The following C8orf74 variants were observed in gnomAD, a reference collection of about 807,000 sequenced individuals.
C8orf74 encodes chromosome 8 open reading frame 74, also known as uncharacterized protein C8orf74.
A neutral mutation model predicts 22.2 loss-of-function variants in C8orf74; 29 were observed. The ratio of observed to expected loss-of-function variants is 1.31; its 90% CI spans 0.97 to 1.78. C8orf74 has a LOEUF of 1.78. Among genes scored for constraint, C8orf74 ranks in the 40% most tolerant of loss-of-function variants. C8orf74 has a pLI of 0.00. For missense variants in C8orf74, 515 were observed against 369.9 expected (o/e 1.39, Z -3.22); for synonymous variants, 255 against 163.1 (o/e 1.56, Z -4.30).
intron 2 of C8orf74, among the ~76,000 whole-genome samples, chr8:10,678,082 A>T (rs778860181): frequency 4.6e-5 from 7 of 152,176 alleles, no homozygotes; most frequent in Non-Finnish European, 1.0e-4. Context: ...TAATACAAAC[A>T]TGGACTCGAA....
chr8:10,676,712 C>A (rs1799040006), intron 2 of C8orf74, among the ~76,000 whole-genome samples: 2 of 152,162 alleles, frequency 1.3e-5, no homozygotes, highest in Admixed American at 6.5e-5. Flanking sequence ...TCATCCCCCT[C>A]CTGCCATCCC....
chr8:10,681,457 G>A (rs1246081199), intron 2 of C8orf74, among the ~76,000 whole-genome samples: 1 of 152,174 alleles, frequency 6.6e-6, no homozygotes, highest in Non-Finnish European at 1.5e-5. Context: ...TCTAATCCTG[G>A]GGAGGCTCAG....
chr8:10,674,669 G>A lies in C8orf74; in HGVS notation c.72G>A (p.Leu24=), dbSNP rs561041578. Residue 24 remains leucine (L), a synonymous_variant, in exon 2 of 4, where the codon CTG becomes CTA. Coordinates refer to ENST00000304519, the MANE Select transcript of C8orf74 (RefSeq NM_001040032.2). ...AGAGACCACAAGGTCGGGAGCGCCT[G>A]CGGAGGCTTCTGAACTGGGAGGAGT... ...QLQRPQGRER[L]RRLLNWEEFD... The A allele has an allele frequency of 3.7e-6, 6 of 1,609,868 alleles. No homozygotes were observed. In the Middle Eastern group the frequency reaches 6.6e-4, roughly 177 times the overall value.
At chr8:10,682,832 C>T (rs181599279) in intron 2 of C8orf74, among the ~76,000 whole-genome samples, 23 of 152,342 alleles carry the variant, frequency 1.5e-4, no homozygotes, top group African/African-American at 4.6e-4. Flanking sequence ...AGAGACTATC[C>T]GTCCCACAGA....
chr8:10,673,154 C>G (rs73200713), intron 1 of C8orf74, among the ~76,000 whole-genome samples: 3,310 of 152,210 alleles, frequency 0.022, 60 homozygotes, highest in Middle Eastern at 0.034. Context: ...ACTAAGGCCA[C>G]CATTGGTCCT....
At chr8:10,680,724 A>G (rs937026947) in intron 2 of C8orf74, among the ~76,000 whole-genome samples, 1 of 152,162 alleles carries the variant, frequency 6.6e-6, no homozygotes, top group African/African-American at 2.4e-5. Context: ...CTTGCTGCCT[A>G]CCAGACCGAG....
intron 3 of C8orf74, 96 bp downstream of exon 3, chr8:10,698,101 C>T (rs1397767434): frequency 1.6e-6 from 2 of 1,240,264 alleles, no homozygotes; most frequent in Non-Finnish European, 2.1e-6. Flanking sequence ...CTCAGTGGCA[C>T]ACAGGGGAGG....
intron 2 of C8orf74, among the ~76,000 whole-genome samples, chr8:10,693,639 A>T (rs371144191): frequency 3.3e-5 from 5 of 152,154 alleles, no homozygotes; most frequent in Admixed American, 2.6e-4. Context: ...CCTCTTCAAG[A>T]CTGGAAGCTG....
intron 2 of C8orf74, among the ~76,000 whole-genome samples, chr8:10,684,392 A>G (rs1231085883): frequency 6.6e-6 from 1 of 152,170 alleles, no homozygotes; most frequent in Non-Finnish European, 1.5e-5. Context: ...AGGTAGGGGG[A>G]CCATTATGGA....
chr8:10,676,277 C>A (rs1196612887), intron 2 of C8orf74, among the ~76,000 whole-genome samples: 1 of 152,132 alleles, frequency 6.6e-6, no homozygotes, highest in Non-Finnish European at 1.5e-5. Flanking sequence ...CTGCACGAGG[C>A]TGTGTCTCTC....
At chr8:10,687,292 G>A (rs968217982) in intron 2 of C8orf74, 3 of 353,000 alleles carry the variant, frequency 8.5e-6, no homozygotes, top group Admixed American at 3.8e-5. Flanking sequence ...TGCTGCCCAT[G>A]TCTCTTATAC....
chr8:10,693,684 T>C (rs1055488299), intron 2 of C8orf74, among the ~76,000 whole-genome samples: 5 of 152,328 alleles, frequency 3.3e-5, no homozygotes, highest in Middle Eastern at 3.4e-3. Context: ...CGTCAGCGTC[T>C]CATCATATGG....
rs1382948456 is a variant in C8orf74, at chr8:10,672,823, G to A, written c.48+110G>A. 5.7e-6 allele frequency: 5 copies of A among 876,294 alleles called. No individual in the cohort carries two copies. In the East Asian group the frequency reaches 8.0e-5, roughly 14 times the overall value. The allele number at this position is 876,294 out of a possible 1,614,324, so 54.3% of individuals were successfully genotyped here. A position where few individuals can be genotyped will look rare whatever the true frequency, so the allele number is the denominator to read the frequency against. ...AGGAGACCCCGGGGCAGCCACCCCG[G>A]CTCAGCACAGCACCTCTGAGGCTGT... On this transcript the variant is annotated intron_variant, in intron 1 of 3. Transcript: ENST00000304519.
At chr8:10,690,493 G>T (rs779296601) in intron 2 of C8orf74, among the ~76,000 whole-genome samples, 20 of 152,168 alleles carry the variant, frequency 1.3e-4, no homozygotes, top group Non-Finnish European at 2.8e-4. Context: ...ACCACACTGG[G>T]CCAGCCCTGG....
chr8:10,692,683 T>G (rs73532608), intron 2 of C8orf74: 1 of 152,044 alleles, frequency 6.6e-6, no homozygotes, highest in Admixed American at 6.5e-5. Context: ...TTTTTTTTTT[T>G]TATAGTGTTC....
In C8orf74 at chr8:10,691,085, G is replaced by A. The variant is rs193020749; in HGVS notation, c.242-6514G>A. 41 of 377,104 alleles carry A rather than the reference G, an allele frequency of 1.1e-4. No homozygotes were observed. In the East Asian group the frequency reaches 2.6e-3, roughly 24 times the overall value. The allele number at this position is 377,104 out of a possible 1,614,324, so 23.4% of individuals were successfully genotyped here. On this transcript the variant is annotated intron_variant, in intron 2 of 3. Transcript: ENST00000304519. ...GGGAGTGTGGTCCGAGGCCAAGAAA[G>A]TGTGTCTCATAAGCCGGCTTCCAAC... is the stretch of plus-strand genomic sequence containing the variant.
At position 10,697,771 on chromosome 8, in the gene C8orf74, C is replaced by T. The variant is rs567217481; in HGVS notation, c.414C>T (p.Thr138=). ...GCCAGGACCAGCAGGTCGACCTGAC[C>T]GTTGCCCACCTGGAGGTGTGCATGC... The part of the protein sequence containing the change: ...VLGQDQQVDL[T]VAHLEVCMPP... Residue 138 remains threonine, a synonymous_variant, in exon 3 of 4, where the codon ACC becomes ACT. Coordinates refer to ENST00000304519, the MANE Select transcript of C8orf74 (RefSeq NM_001040032.2). 6 of 1,614,068 alleles carry T rather than the reference C, an allele frequency of 3.7e-6. No individual in the cohort carries two copies. The highest frequency in any genetic ancestry group is 3.3e-5 in the Admixed American group (2 of 60,032).
chr8:10,690,425 G>A lies in C8orf74; in HGVS notation c.242-7174G>A, dbSNP rs112152454. ...GGGGGCAGGGGGCAATGCGGCGTGC[G>A]GGGGATGAAGGATGCTGTTGGGTGG... On this transcript the variant is annotated intron_variant, in intron 2 of 3. Coordinates refer to ENST00000304519, the MANE Select transcript of C8orf74 (RefSeq NM_001040032.2). 7.3e-3 allele frequency among the ~76,000 whole-genome samples: 1,114 copies of A among 152,274 alleles called. 7 individuals are homozygous for A. The highest frequency in any genetic ancestry group is 0.025 in the African/African-American group (1,050 of 41,550).
At chr8:10,678,422 T>C (rs1799078115) in intron 2 of C8orf74, among the ~76,000 whole-genome samples, 1 of 152,052 alleles carries the variant, frequency 6.6e-6, no homozygotes, top group African/African-American at 2.4e-5. Flanking sequence ...GAGCAGGATG[T>C]GATCCAGAAA....
Sources: allele counts gnomAD v4.1 joint callset (sites outside exome capture counted in the v4.1 genomes callset), GRCh38; gene constraint gnomAD v4.1.1; transcripts MANE v1.5; gene names NCBI Gene and HGNC (gene_info 2026-07-23, HGNC 2026-07-21).